ZSCAN4: variants seen among roughly 807,000 people sequenced by gnomAD.
The protein encoded by ZSCAN4 is zinc finger and SCAN domain containing 4, also known as zinc finger and SCAN domain-containing protein 4.
ZSCAN4 carries 18 observed loss-of-function variants against 18.3 expected under a neutral mutation model. The observed-to-expected ratio is 0.98, with a 90% CI of 0.68 to 1.46. The LOEUF (loss-of-function observed/expected upper bound fraction) is 1.46. ZSCAN4 is among the 40% of genes most tolerant of loss of function. The probability of loss-of-function intolerance (pLI) is 0.00; values close to 1 mark genes in which losing one functional copy is unlikely to be tolerated. For missense variants in ZSCAN4, 498 were observed against 511.4 expected (o/e 0.97, Z 0.25); for synonymous variants, 193 against 180.3 (o/e 1.07, Z -0.57).
At chr19:57,660,451 T>G in the ZSCAN4 span, among the ~76,000 whole-genome samples, 1 of 152,240 alleles carries the variant, frequency 6.6e-6, no homozygotes, top group Non-Finnish European at 1.5e-5. Context: ...TTGTGCAAAC[T>G]GGAATCTGTA....
At chr19:57,668,468 G>T (rs1156271097), upstream of ZSCAN4, among the ~76,000 whole-genome samples, 2 of 152,130 alleles carry the variant, frequency 1.3e-5, no homozygotes, top group Non-Finnish European at 1.5e-5. Flanking sequence ...TTCATCAGTG[G>T]AGTACCAGGA....
At chr19:57,665,512 A>G (rs149528794), upstream of ZSCAN4, among the ~76,000 whole-genome samples, 295 of 152,250 alleles carry the variant, frequency 1.9e-3, 1 homozygote, top group African/African-American at 7.0e-3. Flanking sequence ...TTTAAAGCTC[A>G]TACAAAAGCA....
At chr19:57,670,622 G>A (rs1456247789) in intron 2 of ZSCAN4, 55 bp downstream of exon 2, 2 of 152,118 alleles carry the variant, frequency 1.3e-5, no homozygotes, top group Admixed American at 1.3e-4. Flanking sequence ...TATACATTTT[G>A]TGTCTTTGAG....
At chr19:57,656,251 A>T in the ZSCAN4 span, among the ~76,000 whole-genome samples, 1 of 152,184 alleles carries the variant, frequency 6.6e-6, no homozygotes, top group East Asian at 1.9e-4. Flanking sequence ...GCAGCCTGGC[A>T]GGTGGCCCAC....
At chr19:57,661,663 A>T in the ZSCAN4 span, among the ~76,000 whole-genome samples, 1 of 152,378 alleles carries the variant, frequency 6.6e-6, no homozygotes, top group South Asian at 2.1e-4. Context: ...AGAAACAAAA[A>T]TTAGAGATTC....
chr19:57,669,420 G>T (rs2106945), intron 1 of ZSCAN4, among the ~76,000 whole-genome samples: 100,593 of 151,258 alleles, frequency 0.67, 35,469 homozygotes, highest in African/African-American at 0.92. Flanking sequence ...TTGTATTTTT[G>T]TGTGTGTTTG....
At chr19:57,673,647 T>G (rs1858324577) in intron 2 of ZSCAN4, among the ~76,000 whole-genome samples, 1 of 152,096 alleles carries the variant, frequency 6.6e-6, no homozygotes, top group Non-Finnish European at 1.5e-5. Context: ...AAATCAAGTT[T>G]GCACCATTTG....
the ZSCAN4 span, among the ~76,000 whole-genome samples, chr19:57,660,817 CA>C: frequency 1.3e-5 from 2 of 152,164 alleles, no homozygotes; most frequent in African/African-American, 4.8e-5. Context: ...TTTTAGCAAA[CA>C]AAAGTGTTGA....
upstream of ZSCAN4, chr19:57,664,994 A>G (rs1395461320): frequency 2.4e-5 from 4 of 165,492 alleles, no homozygotes; most frequent in Admixed American, 1.2e-4. Flanking sequence ...CAATGAGGCT[A>G]AACTGGGCTA....
chr19:57,657,685 G>C, the ZSCAN4 span, among the ~76,000 whole-genome samples: 1 of 152,116 alleles, frequency 6.6e-6, no homozygotes, highest in Non-Finnish European at 1.5e-5. Context: ...ATCCATGGGG[G>C]ACTGATTCCA....
chr19:57,654,228 C>T, the ZSCAN4 span, among the ~76,000 whole-genome samples: 2 of 152,128 alleles, frequency 1.3e-5, no homozygotes, highest in African/African-American at 2.4e-5. Flanking sequence ...CTCAATGTCC[C>T]ACCCCTATTT....
At chr19:57,670,309 A>G (rs113263937) in exon 2 of ZSCAN4, 1 of 152,230 alleles carries the variant, frequency 6.6e-6, no homozygotes, top group Non-Finnish European at 1.5e-5. Context: ...AGATTCCATC[A>G]GTAATTCAAT....
intron 3 of ZSCAN4, 58 bp from the exon 4 acceptor site, chr19:57,677,856 A>G: frequency 6.8e-7 from 1 of 1,467,996 alleles, no homozygotes; most frequent in South Asian, 1.6e-5. Context: ...CACTTTTCCA[A>G]AAAGTCTTCT....
the ZSCAN4 span, among the ~76,000 whole-genome samples, chr19:57,661,606 C>G: frequency 6.6e-6 from 1 of 152,090 alleles, no homozygotes; most frequent in South Asian, 2.1e-4. Context: ...ACTATAATCA[C>G]AAAAAGGAAA....
At chr19:57,662,178 A>G in the ZSCAN4 span, among the ~76,000 whole-genome samples, 1 of 152,144 alleles carries the variant, frequency 6.6e-6, no homozygotes, top group Admixed American at 6.5e-5. Flanking sequence ...GAAACATAAA[A>G]TTTCTTACAG....
chr19:57,656,402 A>T, the ZSCAN4 span, among the ~76,000 whole-genome samples: 7 of 151,986 alleles, frequency 4.6e-5, no homozygotes, highest in East Asian at 1.4e-3. Context: ...AATCTCAAGA[A>T]CTCTCTATTC....
intron 2 of ZSCAN4, among the ~76,000 whole-genome samples, chr19:57,670,841 A>G (rs1053809109): frequency 6.6e-6 from 1 of 150,954 alleles, no homozygotes; most frequent in African/African-American, 2.4e-5. Flanking sequence ...CAAAAAGTCT[A>G]TCGTATGACT....
the ZSCAN4 span, among the ~76,000 whole-genome samples, chr19:57,663,029 C>T: frequency 6.6e-6 from 1 of 151,260 alleles, no homozygotes; most frequent in African/African-American, 2.4e-5. Flanking sequence ...ACCCCCCACC[C>T]CCAATAGCTG....
At chr19:57,665,496 T>A (rs938771440), upstream of ZSCAN4, among the ~76,000 whole-genome samples, 2 of 151,162 alleles carry the variant, frequency 1.3e-5, no homozygotes, top group Admixed American at 6.6e-5. Context: ...TTTTAATACT[T>A]TTTTTTTTAA....
Sources: allele counts gnomAD v4.1 joint callset (sites outside exome capture counted in the v4.1 genomes callset), GRCh38; gene constraint gnomAD v4.1.1; transcripts MANE v1.5; gene names NCBI Gene and HGNC (gene_info 2026-07-23, HGNC 2026-07-21).